BTBD9: variants seen among roughly 807,000 people sequenced by gnomAD.
BTBD9 encodes BTB/POZ domain-containing protein 9.
A neutral mutation model predicts 64.3 loss-of-function variants in BTBD9; 49 were observed. The observed-to-expected ratio is 0.76, with a 90% CI of 0.61 to 0.97. The LOEUF (loss-of-function observed/expected upper bound fraction) is 0.97. Among genes scored for constraint, BTBD9 ranks in the 50% least tolerant of loss-of-function variants. The probability of loss-of-function intolerance (pLI) is 0.00; values close to 1 mark genes in which losing one functional copy is unlikely to be tolerated. For missense variants in BTBD9, 598 were observed against 762.1 expected, an observed-to-expected ratio of 0.78 and a Z score of 2.53; for synonymous variants, 260 against 274.7, an observed-to-expected ratio of 0.95 and a Z score of 0.53.
intron 6 of BTBD9, among the ~76,000 whole-genome samples, chr6:38,562,245 A>G (rs1035909349): frequency 3.3e-5 from 5 of 152,200 alleles, no homozygotes; most frequent in African/African-American, 1.2e-4. Context: ...GTCTTATTCC[A>G]TTGACTGTCT....
At chr6:38,512,662 C>A (rs1346819577) in intron 6 of BTBD9, among the ~76,000 whole-genome samples, 1 of 152,212 alleles carries the variant, frequency 6.6e-6, no homozygotes, top group African/African-American at 2.4e-5. Flanking sequence ...ACAAATAATT[C>A]TTTTAGAGGC....
At chr6:38,512,120 C>G (rs536464532) in intron 6 of BTBD9, among the ~76,000 whole-genome samples, 1 of 152,168 alleles carries the variant, frequency 6.6e-6, no homozygotes, top group Non-Finnish European at 1.5e-5. Context: ...ATTACAGGCA[C>G]GCACCATCAC....
chr6:38,587,913 G>A (rs1776614084), intron 4 of BTBD9: 4 of 723,360 alleles, frequency 5.5e-6, no homozygotes, highest in Middle Eastern at 2.9e-4. Context: ...CAGGTTTCAG[G>A]GCAACCCAGT....
Position 38,263,785 on chromosome 6 carries a change from G to A in BTBD9, c.1455-7269C>T, listed in dbSNP as rs146850229. ...CTCCGAGTTTCTCCTCTAGTATTCCGTGAGAAATCTTCTAATCACTTAAAT... is the reference window on the plus strand; with the variant it reads ...CTCCGAGTTTCTCCTCTAGTATTCCATGAGAAATCTTCTAATCACTTAAAT... On this transcript the variant is annotated intron_variant, in intron 8 of 10. Coordinates refer to ENST00000481247, the MANE Select transcript of BTBD9 (RefSeq NM_001099272.2). Among the ~76,000 whole-genome samples the A allele has an allele frequency of 3.9e-5, 6 of 152,156 alleles. No individual in the cohort carries two copies. The East Asian group carries it at 7.7e-4, about 20-fold the overall frequency.
intron 6 of BTBD9, among the ~76,000 whole-genome samples, chr6:38,447,760 T>C (rs1769342322): frequency 6.6e-6 from 1 of 152,214 alleles, no homozygotes; most frequent in African/African-American, 2.4e-5. Flanking sequence ...CACCAGCCTC[T>C]TTATTGGAAG....
At chr6:38,596,196 AG>A in intron 2 of BTBD9, 3 of 347,342 alleles carry the variant, frequency 8.6e-6, no homozygotes, top group Non-Finnish European at 1.2e-5. Flanking sequence ...GCTCTAAGGT[AG>A]ACTTAGAGGT....
intron 9 of BTBD9, among the ~76,000 whole-genome samples, chr6:38,202,007 T>C (rs935230377): frequency 6.6e-6 from 1 of 152,060 alleles, no homozygotes; most frequent in African/African-American, 2.4e-5. Context: ...TTAAAATGAC[T>C]GTACTGCCCA....
intron 1 of BTBD9, among the ~76,000 whole-genome samples, chr6:38,618,158 T>C (rs751367781): frequency 3.9e-5 from 6 of 152,154 alleles, no homozygotes; most frequent in African/African-American, 7.2e-5. Flanking sequence ...CACTCAGGTA[T>C]CAACAAGCTC....
At chr6:38,471,298 A>G (rs1228595179) in intron 6 of BTBD9, among the ~76,000 whole-genome samples, 1 of 152,194 alleles carries the variant, frequency 6.6e-6, no homozygotes, top group Non-Finnish European at 1.5e-5. Context: ...ACAAGTAGCA[A>G]CTTTGGGTTT....
chr6:38,339,265 T>G (rs548956334), intron 7 of BTBD9, among the ~76,000 whole-genome samples: 24 of 152,280 alleles, frequency 1.6e-4, no homozygotes, highest in African/African-American at 5.5e-4. Flanking sequence ...CGATGGTATA[T>G]CTATACTAAT....
At chr6:38,402,249 T>C (rs1277944947) in intron 6 of BTBD9, among the ~76,000 whole-genome samples, 2 of 152,156 alleles carry the variant, frequency 1.3e-5, no homozygotes, top group African/African-American at 2.4e-5. Context: ...ATTTAATATG[T>C]TAAGGTGACG....
chr6:38,368,134 C>G (rs111378029), intron 6 of BTBD9, among the ~76,000 whole-genome samples: 1 of 152,100 alleles, frequency 6.6e-6, no homozygotes. Context: ...CTTAAGGAAG[C>G]TTTTAAGACA....
chr6:38,606,858 T>C (rs923603000), intron 1 of BTBD9, among the ~76,000 whole-genome samples: 1 of 152,168 alleles, frequency 6.6e-6, no homozygotes, highest in African/African-American at 2.4e-5. Flanking sequence ...GATTCGGTAA[T>C]TTGTCCAATC....
At chr6:38,275,574 G>T (rs1350289195) in intron 8 of BTBD9, among the ~76,000 whole-genome samples, 1 of 150,026 alleles carries the variant, frequency 6.7e-6, no homozygotes, top group Non-Finnish European at 1.5e-5. Context: ...CTACAAAATG[G>T]GAGAAAATTT....
At chr6:38,444,043 T>C (rs1356050031) in intron 6 of BTBD9, among the ~76,000 whole-genome samples, 2 of 152,228 alleles carry the variant, frequency 1.3e-5, no homozygotes, top group Admixed American at 6.5e-5. Context: ...CTTCTCCCAG[T>C]TCTTCACACT....
At chr6:38,522,362 G>GTCCCACAACATGGT (rs55694401) in intron 6 of BTBD9, among the ~76,000 whole-genome samples, 97,612 of 151,938 alleles carry the variant, frequency 0.64, 31,977 homozygotes, top group Middle Eastern at 0.78. Flanking sequence ...TCAAATTAAA[G>GTCCCACAACATGGT]TCCCTATACT....
chr6:38,374,960 AT>A (rs1403360894), intron 6 of BTBD9, among the ~76,000 whole-genome samples: 1 of 152,196 alleles, frequency 6.6e-6, no homozygotes, highest in Non-Finnish European at 1.5e-5. Flanking sequence ...CACTCTGGAG[AT>A]TTGAGGGAGG....
At chr6:38,384,082 C>CA (rs1411525098) in intron 6 of BTBD9, among the ~76,000 whole-genome samples, 1 of 152,102 alleles carries the variant, frequency 6.6e-6, no homozygotes, top group Non-Finnish European at 1.5e-5. Context: ...ATAATGGTAG[C>CA]ACATAAGGCA....
intron 1 of BTBD9, among the ~76,000 whole-genome samples, chr6:38,621,819 C>T (rs973108144): frequency 6.6e-6 from 1 of 152,124 alleles, no homozygotes; most frequent in Non-Finnish European, 1.5e-5. Context: ...AGAAGGAAAC[C>T]GTCGGGCAGA....
Sources: gnomAD v4.1 joint callset for allele counts (sites outside exome capture counted in the v4.1 genomes callset) on GRCh38, gnomAD v4.1.1 for gene constraint, MANE v1.5 for transcripts, NCBI Gene and HGNC (gene_info 2026-07-23, HGNC 2026-07-21) for gene names.